Variants in GRIP2 observed in about 807,000 individuals in gnomAD.
The protein encoded by GRIP2 is glutamate receptor interacting protein 2.
GRIP2 carries 58 observed loss-of-function variants against 108.3 expected under a neutral mutation model. The ratio of observed to expected loss-of-function variants is 0.54; its 90% CI spans 0.43 to 0.67. The LOEUF is 0.67. Ranked by LOEUF, GRIP2 falls within the 30% of genes least tolerant of loss-of-function variation. GRIP2 has a pLI of 0.00. For missense variants in GRIP2, 1,278 were observed against 1,430.6 expected (o/e 0.89, Z 1.72); for synonymous variants, 586 against 598.2 (o/e 0.98, Z 0.30).
chr3:14,547,908 CA>C (rs1405861788), intron 1 of GRIP2, among the ~76,000 whole-genome samples: 2 of 152,210 alleles, frequency 1.3e-5, no homozygotes, highest in Admixed American at 1.3e-4. Context: ...TCACTGCTCA[CA>C]CAGGGCCTAC....
chr3:14,532,020 C>T (rs1046552257), intron 1 of GRIP2, among the ~76,000 whole-genome samples: 1 of 152,216 alleles, frequency 6.6e-6, no homozygotes. Context: ...ACCACCCCAA[C>T]CTCTGCGGCT....
At chr3:14,551,514 A>G (rs1695149035) in intron 1 of GRIP2, among the ~76,000 whole-genome samples, 1 of 152,090 alleles carries the variant, frequency 6.6e-6, no homozygotes, top group African/African-American at 2.4e-5. Flanking sequence ...AGCCAGGCGG[A>G]GAGCGGGAGG....
chr3:14,600,747 G>T, the GRIP2 span, among the ~76,000 whole-genome samples: 5 of 152,186 alleles, frequency 3.3e-5, no homozygotes, highest in African/African-American at 1.2e-4. Context: ...GAAAGCCGGA[G>T]ATTTTGCCTT....
At position 14,503,223 on chromosome 3, in the gene GRIP2, A is replaced by G. The variant is rs1334805720; in HGVS notation, c.2679+343T>C. ...CGTGTGCCTACATGTGCACAATCGG[A>G]CACACATGTTCTGAAATACACTCTG... On this transcript the variant is annotated intron_variant, in intron 21 of 23. Coordinates refer to ENST00000621039, the MANE Select transcript of GRIP2 (RefSeq NM_001080423.4). Among the ~76,000 whole-genome samples, 4 of 151,372 alleles carry G rather than the reference A, an allele frequency of 2.6e-5. No homozygotes were observed. In the South Asian group the frequency reaches 6.2e-4, roughly 24 times the overall value.
chr3:14,502,940 T>C (rs1018087902), intron 21 of GRIP2, among the ~76,000 whole-genome samples: 10 of 152,136 alleles, frequency 6.6e-5, no homozygotes, highest in African/African-American at 2.4e-4. Flanking sequence ...ACAGATAAAA[T>C]AGAGATTTAA....
At chr3:14,510,734 G>C (rs1269325836) in intron 16 of GRIP2, among the ~76,000 whole-genome samples, 2 of 152,140 alleles carry the variant, frequency 1.3e-5, no homozygotes, top group African/African-American at 4.8e-5. Context: ...AATCCATACA[G>C]CTTTTCTCAC....
chr3:14,541,939 C>G, upstream of GRIP2: 1 of 1,347,586 alleles, frequency 7.4e-7, no homozygotes, highest in Middle Eastern at 2.1e-4. Context: ...CTGGCCTTCA[C>G]CAGGGCACAG....
the GRIP2 span, chr3:14,573,259 C>G: frequency 7.1e-7 from 1 of 1,400,312 alleles, no homozygotes; most frequent in African/African-American, 1.4e-5. Context: ...TGGGAGCCAG[C>G]TGGAACCACC....
chr3:14,559,210 G>A (rs1023296907), upstream of GRIP2, among the ~76,000 whole-genome samples: 1 of 152,102 alleles, frequency 6.6e-6, no homozygotes, highest in Non-Finnish European at 1.5e-5. Flanking sequence ...AGAGTGAAAC[G>A]GGATCAAATG....
At chr3:14,574,010 G>T in the GRIP2 span, 2 of 1,321,644 alleles carry the variant, frequency 1.5e-6, no homozygotes, top group Non-Finnish European at 2.2e-6. Context: ...CACCCAGGTG[G>T]ATGAGGGCCT....
chr3:14,551,024 G>A (rs1256850967), intron 1 of GRIP2, among the ~76,000 whole-genome samples: 2 of 152,224 alleles, frequency 1.3e-5, no homozygotes, highest in East Asian at 1.9e-4. Flanking sequence ...GTGAGTGAGC[G>A]GGAGGGGGGA....
intron 16 of GRIP2, among the ~76,000 whole-genome samples, chr3:14,510,258 GTT>G (rs148444184): frequency 0.41 from 36,612 of 89,686 alleles, 4,707 homozygotes; most frequent in South Asian, 0.56. Context: ...ATCATCCGTT[GTT>G]TTTTTTTTTT....
At chr3:14,568,212 C>T in the GRIP2 span, among the ~76,000 whole-genome samples, 11 of 152,072 alleles carry the variant, frequency 7.2e-5, no homozygotes, top group Non-Finnish European at 1.5e-4. Context: ...AACAGTATCC[C>T]TGTGGCTGCA....
the GRIP2 span, among the ~76,000 whole-genome samples, chr3:14,583,142 C>A: frequency 6.6e-6 from 1 of 152,158 alleles, no homozygotes. Context: ...TCTTTCGGCT[C>A]TGGGGGTGGC....
At chr3:14,510,957 C>T (rs552517886) in intron 16 of GRIP2, among the ~76,000 whole-genome samples, 1 of 152,350 alleles carries the variant, frequency 6.6e-6, no homozygotes, top group African/African-American at 2.4e-5. Flanking sequence ...TCCTGTCCAC[C>T]TCACAGAGGC....
chr3:14,589,779 C>CT, the GRIP2 span, among the ~76,000 whole-genome samples: 31,680 of 118,972 alleles, frequency 0.27, 5,402 homozygotes, highest in African/African-American at 0.43. Context: ...ACAGACTACA[C>CT]TTTTTTTTTT....
chr3:14,562,053 G>A, the GRIP2 span, among the ~76,000 whole-genome samples: 1 of 152,250 alleles, frequency 6.6e-6, no homozygotes, highest in African/African-American at 2.4e-5. Flanking sequence ...ATAAGTAAAG[G>A]ATGCAACATG....
At chr3:14,582,761 TC>T in the GRIP2 span, among the ~76,000 whole-genome samples, 1 of 152,348 alleles carries the variant, frequency 6.6e-6, no homozygotes, top group South Asian at 2.1e-4. Flanking sequence ...TCCCTCTCTA[TC>T]CCCTGATTCT....
At chr3:14,538,395 C>T (rs1694884848) in intron 1 of GRIP2, among the ~76,000 whole-genome samples, 1 of 152,172 alleles carries the variant, frequency 6.6e-6, no homozygotes, top group Non-Finnish European at 1.5e-5. Flanking sequence ...GCTCTCTTTC[C>T]TTAGGGATGA....
Sources: gnomAD v4.1 joint callset for allele counts (sites outside exome capture counted in the v4.1 genomes callset) on GRCh38, gnomAD v4.1.1 for gene constraint, MANE v1.5 for transcripts, NCBI Gene and HGNC (gene_info 2026-07-23, HGNC 2026-07-21) for gene names.